CALHM5: variants seen among roughly 807,000 people sequenced by gnomAD.
The protein encoded by CALHM5 is calcium homeostasis modulator protein 5.
CALHM5 carries 17 observed loss-of-function variants against 20.9 expected under a neutral mutation model. That is an observed-to-expected ratio of 0.82 (90% CI 0.56 to 1.22). CALHM5 has a LOEUF of 1.22. CALHM5 is among the 50% of genes most tolerant of loss of function. CALHM5 has a pLI of 0.00. For missense variants in CALHM5, 360 were observed against 364.6 expected, an observed-to-expected ratio of 0.99 and a Z score of 0.10; for synonymous variants, 148 against 140.0, an observed-to-expected ratio of 1.06 and a Z score of -0.40.
In CALHM5 at chr6:116,519,261, A is replaced by T. The variant is rs1165111755; in HGVS notation, c.*3272A>T. ...ACATATTAGCAGGATAAACACAAGAAAGAATGCAGTTACAAGTGGAGTCTC... is the reference window on the plus strand; with the variant it reads ...ACATATTAGCAGGATAAACACAAGATAGAATGCAGTTACAAGTGGAGTCTC... On this transcript the variant is annotated 3_prime_UTR_variant, in exon 2 of 2. Transcript: ENST00000368599. The T allele has an allele frequency of 6.6e-6, 1 of 152,234 alleles. No homozygotes were observed. Among genetic ancestry groups the T allele is most frequent in the East Asian group, 1.9e-4 (1 of 5,196 alleles). 9.4% of individuals were successfully genotyped at this position (152,234 alleles called of 1,614,324 possible).
chr6:116,521,668 A>C lies in CALHM5; in HGVS notation c.*5679A>C, dbSNP rs1267550313. ...GATTCAAATGCCAATCTTTTTTGGA[A>C]ACACCCCTACATACATACCCAGAAA... On this transcript the variant is annotated 3_prime_UTR_variant, in exon 2 of 2. Transcript: ENST00000368599. The C allele has an allele frequency of 2.0e-5, 3 of 152,082 alleles. No individual in the cohort carries two copies. Among genetic ancestry groups the C allele is most frequent in the Non-Finnish European group, 4.4e-5 (3 of 68,028 alleles). The allele number at this position is 152,082 out of a possible 1,614,324, so 9.4% of individuals were successfully genotyped here. A position where few individuals can be genotyped will look rare whatever the true frequency, so the allele number is the denominator to read the frequency against.
At position 116,515,809 on chromosome 6, in the gene CALHM5, G is replaced by A. The variant is rs1311957670; in HGVS notation, c.750G>A (p.Arg250=). The A allele has an allele frequency of 1.9e-6, 3 of 1,613,976 alleles. No individual in the cohort carries two copies. Among genetic ancestry groups the A allele is most frequent in the Non-Finnish European group, 1.7e-6 (2 of 1,179,928 alleles). The change falls in exon 2 of 2, where the codon AGG becomes AGA. Residue 250 remains arginine (R), a synonymous_variant. Transcript: ENST00000368599. The part of the protein sequence containing the change: ...RNLKCFFENK[R]PDPFPMPTFA... ...TGAAATGTTTTTTTGAAAACAAGAG[G>A]CCAGATCCTTTTCCCATGCCTACGT...
Position 116,511,647 on chromosome 6 carries a change from T to G in CALHM5, c.-50T>G. On this transcript the variant is annotated 5_prime_UTR_variant, in exon 1 of 2. Coordinates refer to ENST00000368599, the MANE Select transcript of CALHM5 (RefSeq NM_153711.5). ...CTCCACCCTCGGCCACTGCCACAGC[T>G]GCTCTGCCAATAACAAAGGCACAGC... 1 of 1,560,436 alleles carries G rather than the reference T, an allele frequency of 6.4e-7. No homozygotes were observed. The highest frequency in any genetic ancestry group is 8.7e-7 in the Non-Finnish European group (1 of 1,147,478).
Position 116,519,445 on chromosome 6 carries a change from G to A in CALHM5, c.*3456G>A, listed in dbSNP as rs1772290403. ...AAACTCCAGGTGAGGAGTCTCCAGT[G>A]GCCCAAGGGTGATCCTCCAGAGGAG... is the stretch of plus-strand genomic sequence containing the variant. On this transcript the variant is annotated 3_prime_UTR_variant, in exon 2 of 2. Coordinates refer to ENST00000368599, the MANE Select transcript of CALHM5 (RefSeq NM_153711.5). The A allele has an allele frequency of 6.6e-6, 1 of 152,214 alleles. No individual in the cohort carries two copies. Among genetic ancestry groups the A allele is most frequent in the Admixed American group, 6.5e-5 (1 of 15,284 alleles). The allele number at this position is 152,214 out of a possible 1,614,324, so 9.4% of individuals were successfully genotyped here.
In CALHM5 at chr6:116,524,284, G is replaced by A. The variant is rs1163759694; in HGVS notation, c.*8295G>A. On this transcript the variant is annotated 3_prime_UTR_variant, in exon 2 of 2. Transcript: ENST00000368599. ...TCATTACATTATTCTCTTTACATTT[G>A]TATATGTTTGAAAAATTTCATAAGG... 1 of 152,142 alleles carries A rather than the reference G, an allele frequency of 6.6e-6. No homozygotes were observed. Among genetic ancestry groups the A allele is most frequent in the Non-Finnish European group, 1.5e-5 (1 of 68,036 alleles). 9.4% of individuals were successfully genotyped at this position (152,142 alleles called of 1,614,324 possible).
chr6:116,521,884 A>G lies in CALHM5; in HGVS notation c.*5895A>G, dbSNP rs117803031. On this transcript the variant is annotated 3_prime_UTR_variant, in exon 2 of 2. Transcript: ENST00000368599. The stretch of plus-strand genomic sequence containing the variant: ...GACATGAGGTAGATTGTTAAGCAGT[A>G]TCACAGTTTATGCCTTGGTCTCTTA... 6.6e-6 allele frequency: 1 copy of G among 152,312 alleles called. No homozygotes were observed. The highest frequency in any genetic ancestry group is 1.5e-5 in the Non-Finnish European group (1 of 68,020). 9.4% of individuals were successfully genotyped at this position (152,312 alleles called of 1,614,324 possible).
chr6:116,516,702 T>C lies in CALHM5; in HGVS notation c.*713T>C, dbSNP rs1427457313. 4.0e-5 allele frequency: 5 copies of C among 125,302 alleles called. No homozygotes were observed. Among genetic ancestry groups the C allele is most frequent in the East Asian group, 2.3e-4 (1 of 4,444 alleles). The allele number at this position is 125,302 out of a possible 1,614,324, so 7.8% of individuals were successfully genotyped here. A position where few individuals can be genotyped will look rare whatever the true frequency, so the allele number is the denominator to read the frequency against. On this transcript the variant is annotated 3_prime_UTR_variant, in exon 2 of 2. Coordinates refer to ENST00000368599, the MANE Select transcript of CALHM5 (RefSeq NM_153711.5). ...ATATATATATATATATATATATATA[T>C]ATATATACACACACACAGAAATATA...
rs749055743 is a variant in CALHM5 at position 116,511,794 on chromosome 6, T to C, written c.98T>C (p.Leu33Pro). The C allele has an allele frequency of 1.1e-5, 17 of 1,614,010 alleles. No homozygotes were observed. The highest frequency in any genetic ancestry group is 1.3e-5 in the Non-Finnish European group (15 of 1,180,024). The stretch of plus-strand genomic sequence containing the variant: ...CTGCTGACCGTGGGAAGTGAGCGTC[T>C]CTTTTCTGTTGTGGCTTTTAAGTGC... The part of the protein sequence containing the change: ...MALLTVGSER[L>P]FSVVAFKCPC... The change falls in exon 1 of 2, where the codon CTC becomes CCC. Residue 33 changes from leucine (L) to proline (P), a missense_variant. Transcript: ENST00000368599.
rs1433361015 is a variant in CALHM5, at chr6:116,518,633, C to T, written c.*2644C>T. On this transcript the variant is annotated 3_prime_UTR_variant, in exon 2 of 2. Coordinates refer to ENST00000368599, the MANE Select transcript of CALHM5 (RefSeq NM_153711.5). ...TGAGCTGGAAAAAGACATATAGGAA[C>T]TGGCCGATGCCGATGCCTCTTTTGC... The T allele has an allele frequency of 6.6e-6, 1 of 152,234 alleles. No homozygotes were observed. The highest frequency in any genetic ancestry group is 1.5e-5 in the Non-Finnish European group (1 of 68,058). 9.4% of individuals were successfully genotyped at this position (152,234 alleles called of 1,614,324 possible).
rs1772361113 is a variant in CALHM5 at position 116,522,344 on chromosome 6, A to C, written c.*6355A>C. 1 of 152,238 alleles carries C rather than the reference A, an allele frequency of 6.6e-6. No individual in the cohort carries two copies. 9.4% of individuals were successfully genotyped at this position (152,238 alleles called of 1,614,324 possible). A position where few individuals can be genotyped will look rare whatever the true frequency, so the allele number is the denominator to read the frequency against. On this transcript the variant is annotated 3_prime_UTR_variant, in exon 2 of 2. Transcript: ENST00000368599. ...AGCTTAAATAAATGTTTGTGGCTTTAAGCCACTGAATTTTGGGGCAATATG... is the reference window on the plus strand; with the variant it reads ...AGCTTAAATAAATGTTTGTGGCTTTCAGCCACTGAATTTTGGGGCAATATG...
At position 116,511,847 on chromosome 6, in the gene CALHM5, G is replaced by A; in HGVS notation, c.151G>A (p.Gly51Arg). The A allele has an allele frequency of 6.2e-7, 1 of 1,614,018 alleles. No homozygotes were observed. Among genetic ancestry groups the A allele is most frequent in the Non-Finnish European group, 8.5e-7 (1 of 1,179,976 alleles). ...CTGCAGCACTGAGAATATGACCTAT[G>A]GGCTGGTTTTCCTCTTTGCTCCTGC... is the stretch of plus-strand genomic sequence containing the variant. ...CPCSTENMTY[G>R]LVFLFAPAWV... Residue 51 changes from glycine to arginine, a missense_variant, in exon 1 of 2, where the codon GGG (glycine) becomes AGG (arginine). By Grantham distance (125) the Gly-to-Arg change is moderately radical. Coordinates refer to ENST00000368599, the MANE Select transcript of CALHM5 (RefSeq NM_153711.5).
At position 116,519,810 on chromosome 6, in the gene CALHM5, C is replaced by T. The variant is rs566943966; in HGVS notation, c.*3821C>T. On this transcript the variant is annotated 3_prime_UTR_variant, in exon 2 of 2. Transcript: ENST00000368599. ...AAATGCTGATTCTGTCCAATTTATC[C>T]CATGAATAAATTGTGTACACATATA... 1.3e-5 allele frequency: 2 copies of T among 152,218 alleles called. No homozygotes were observed. The highest frequency in any genetic ancestry group is 4.2e-4 in the South Asian group (2 of 4,816). 9.4% of individuals were successfully genotyped at this position (152,218 alleles called of 1,614,324 possible).
In CALHM5 at chr6:116,516,790, G is replaced by A. The variant is rs1041313682; in HGVS notation, c.*801G>A. 2.0e-5 allele frequency: 3 copies of A among 149,264 alleles called. No homozygotes were observed. In the Admixed American group the frequency reaches 2.0e-4, roughly 10 times the overall value. 9.2% of individuals were successfully genotyped at this position (149,264 alleles called of 1,614,324 possible). On this transcript the variant is annotated 3_prime_UTR_variant, in exon 2 of 2. Transcript: ENST00000368599. ...CATTTTCTTCAACCTAAAAGTTTAT[G>A]TATTTTCTTCTGATTTTAAAAGAAA...
chr6:116,511,760 T>A lies in CALHM5; in HGVS notation c.64T>A (p.Phe22Ile), dbSNP rs1389347118. The A allele has an allele frequency of 1.2e-6, 2 of 1,614,086 alleles. No homozygotes were observed. The highest frequency in any genetic ancestry group is 3.3e-5 in the Admixed American group (2 of 59,984). ...TCAGAAAACTGTTATTGGCTACAGC[T>A]TCATGGCTCTGCTGACCGTGGGAAG... Reference protein sequence around the residue: ...LNQKTVIGYSFMALLTVGSER... With the variant: ...LNQKTVIGYSIMALLTVGSER... Residue 22 changes from phenylalanine (F) to isoleucine (I), a missense_variant, in exon 1 of 2, where the codon TTC (phenylalanine) becomes ATC (isoleucine). Phe to Ile is a conservative substitution (Grantham distance 21). Transcript: ENST00000368599.
At chr6:116,512,273 G>C (rs772560468) in intron 1 of CALHM5, 37 bp downstream of exon 1, 2 of 1,558,186 alleles carry the variant, frequency 1.3e-6, no homozygotes, top group South Asian at 2.4e-5. Flanking sequence ...CTCTCAGCAT[G>C]AGCTCGAAGT....
Position 116,511,791 on chromosome 6 carries a change from G to T in CALHM5, c.95G>T (p.Arg32Leu). 2 of 1,614,090 alleles carry T rather than the reference G, an allele frequency of 1.2e-6. No individual in the cohort carries two copies. Among genetic ancestry groups the T allele is most frequent in the Non-Finnish European group, 1.7e-6 (2 of 1,180,004 alleles). Residue 32 changes from arginine (R) to leucine (L), a missense_variant, in exon 1 of 2, where the codon CGT becomes CTT. By Grantham distance (102) the Arg-to-Leu change is moderately radical (BLOSUM62 -2). Coordinates refer to ENST00000368599, the MANE Select transcript of CALHM5 (RefSeq NM_153711.5). ...GCTCTGCTGACCGTGGGAAGTGAGC[G>T]TCTCTTTTCTGTTGTGGCTTTTAAG... Reference protein sequence around the residue: ...FMALLTVGSERLFSVVAFKCP... With the variant: ...FMALLTVGSELLFSVVAFKCP...
In CALHM5 at chr6:116,512,213, C is replaced by G. The variant is rs1255866518; in HGVS notation, c.517C>G (p.Leu173Val). The change falls in exon 1 of 2, where the codon CTC becomes GTC. Residue 173 changes from leucine to valine, a missense_variant. Transcript: ENST00000368599. ...MLPTVNEELK[L>V]SLQAQSQILG... is the part of the protein sequence containing the mutation. ...ACCTACCGTCAATGAAGAACTGAAA[C>G]TCTCCCTTCAGGCCCAGTCTCAGGT... 2 of 1,602,822 alleles carry G rather than the reference C, an allele frequency of 1.2e-6. No homozygotes were observed. The highest frequency in any genetic ancestry group is 1.7e-5 in the Admixed American group (1 of 59,930).
At chr6:116,512,354 T>C (rs1031266274) in intron 1 of CALHM5, 118 bp downstream of exon 1, 2 of 1,138,022 alleles carry the variant, frequency 1.8e-6, no homozygotes, top group Non-Finnish European at 2.4e-6. Flanking sequence ...AAATGGAAAC[T>C]GAAACATGAT....
In CALHM5 at chr6:116,511,815, A is replaced by T. The variant is rs780250007; in HGVS notation, c.119A>T (p.Lys40Met). 45 of 1,614,030 alleles carry T rather than the reference A, an allele frequency of 2.8e-5. No individual in the cohort carries two copies. The highest frequency in any genetic ancestry group is 3.7e-5 in the Non-Finnish European group (44 of 1,179,964). The change falls in exon 1 of 2, where the codon AAG becomes ATG. Residue 40 changes from lysine (K) to methionine (M), a missense_variant. Lys to Met is a moderately conservative substitution (Grantham distance 95). Coordinates refer to ENST00000368599, the MANE Select transcript of CALHM5 (RefSeq NM_153711.5). ...CGTCTCTTTTCTGTTGTGGCTTTTAAGTGCCCCTGCAGCACTGAGAATATG... is the reference window on the plus strand; with the variant it reads ...CGTCTCTTTTCTGTTGTGGCTTTTATGTGCCCCTGCAGCACTGAGAATATG... ...SERLFSVVAFKCPCSTENMTY... is the reference protein window; with the variant it reads ...SERLFSVVAFMCPCSTENMTY...
Sources: gnomAD v4.1 joint callset for allele counts on GRCh38, gnomAD v4.1.1 for gene constraint, MANE v1.5 for transcripts, NCBI Gene and HGNC (gene_info 2026-07-23, HGNC 2026-07-21) for gene names.